The following KAZN variants were observed in gnomAD, a reference collection of about 807,000 sequenced individuals.
KAZN encodes the protein kazrin.
KAZN carries 40 observed loss-of-function variants against 87.4 expected under a neutral mutation model. The observed-to-expected ratio is 0.46, with a 90% CI of 0.36 to 0.60. The LOEUF (loss-of-function observed/expected upper bound fraction) is 0.60. Ranked by LOEUF, KAZN falls within the 20% of genes least tolerant of loss-of-function variation. The pLI is 0.00. For synonymous variants in KAZN, 466 were observed against 458.3 expected (o/e 1.02, Z -0.22); for missense variants, 898 against 1,073.9 (o/e 0.84, Z 2.29).
intron 1 of KAZN, among the ~76,000 whole-genome samples, chr1:14,080,428 T>C (rs1388836183): frequency 6.6e-6 from 1 of 152,218 alleles, no homozygotes; most frequent in Non-Finnish European, 1.5e-5. Flanking sequence ...TGTAAGAATC[T>C]GGAGTCATCT....
intron 1 of KAZN, among the ~76,000 whole-genome samples, chr1:14,829,854 G>C (rs534899079): frequency 4.3e-4 from 65 of 152,322 alleles, no homozygotes; most frequent in African/African-American, 1.4e-3. Context: ...TTTAGACTTC[G>C]TCCAAAGGTC....
intron 3 of KAZN, among the ~76,000 whole-genome samples, chr1:15,039,584 T>G (rs951707531): frequency 6.6e-6 from 1 of 152,196 alleles, no homozygotes; most frequent in African/African-American, 2.4e-5. Context: ...TATATCAAAT[T>G]TGTTTTTTAA....
chr1:14,959,070 T>A (rs1229694283), intron 1 of KAZN, among the ~76,000 whole-genome samples: 2 of 152,002 alleles, frequency 1.3e-5, no homozygotes, highest in Non-Finnish European at 2.9e-5. Flanking sequence ...CGCTGATGAG[T>A]GCTGCGGAGA....
intron 2 of KAZN, among the ~76,000 whole-genome samples, chr1:15,008,695 G>A (rs1035587023): frequency 2.0e-5 from 3 of 152,116 alleles, no homozygotes; most frequent in Admixed American, 1.3e-4. Context: ...AGCTTGTCCC[G>A]TCTGCCTTCC....
In KAZN at chr1:14,638,343, C is replaced by A. The variant is rs189767612; in HGVS notation, c.226+39120C>A. 6.4e-4 allele frequency among the ~76,000 whole-genome samples: 98 copies of A among 152,062 alleles called. No individual in the cohort carries two copies. In the East Asian group the frequency reaches 0.018, roughly 28 times the overall value. On this transcript the variant is annotated intron_variant, in intron 1 of 14. Transcript: ENST00000376030. ...CAGCACTTTGGGAGGCCGAGGCGGG[C>A]GGATCACCTGAGGTCAGAAGCTTGA...
intron 1 of KAZN, among the ~76,000 whole-genome samples, chr1:14,155,049 A>G (rs1273445634): frequency 2.4e-4 from 35 of 148,486 alleles, no homozygotes; most frequent in Non-Finnish European, 4.4e-5. Flanking sequence ...ACTGGCCTCA[A>G]ATAATGAGTT....
At chr1:14,711,783 C>T (rs1037899537) in intron 1 of KAZN, among the ~76,000 whole-genome samples, 5 of 152,154 alleles carry the variant, frequency 3.3e-5, no homozygotes, top group African/African-American at 7.2e-5. Flanking sequence ...CGTGCTGTGA[C>T]GGCAGCCACA....
At chr1:14,882,461 T>A (rs1158158386) in intron 1 of KAZN, among the ~76,000 whole-genome samples, 3 of 152,174 alleles carry the variant, frequency 2.0e-5, no homozygotes, top group African/African-American at 7.2e-5. Context: ...GGGGGACTGG[T>A]CCATTTGGGG....
intron 2 of KAZN, among the ~76,000 whole-genome samples, chr1:14,557,126 G>A (rs774887360): frequency 3.9e-5 from 6 of 152,060 alleles, no homozygotes; most frequent in Non-Finnish European, 7.4e-5. Flanking sequence ...CAGAAATAAC[G>A]TGGGCAAATA....
At chr1:14,321,150 A>C (rs541706266) in intron 2 of KAZN, among the ~76,000 whole-genome samples, 1 of 152,310 alleles carries the variant, frequency 6.6e-6, no homozygotes, top group South Asian at 2.1e-4. Flanking sequence ...AATGCTCATC[A>C]AGGCTCTTTG....
At chr1:15,086,262 T>A (rs975399334) in intron 8 of KAZN, among the ~76,000 whole-genome samples, 12 of 152,168 alleles carry the variant, frequency 7.9e-5, no homozygotes, top group Non-Finnish European at 1.3e-4. Flanking sequence ...TGAGCCACCA[T>A]GCCTGGCTGA....
chr1:14,213,490 G>T (rs1161957716), intron 2 of KAZN, among the ~76,000 whole-genome samples: 1 of 152,182 alleles, frequency 6.6e-6, no homozygotes, highest in African/African-American at 2.4e-5. Flanking sequence ...CAAGACAGAG[G>T]AGGGCAAGTG....
At chr1:14,911,720 T>C (rs1452901075) in intron 1 of KAZN, among the ~76,000 whole-genome samples, 1 of 152,034 alleles carries the variant, frequency 6.6e-6, no homozygotes, top group African/African-American at 2.4e-5. Context: ...ACCTGACTGG[T>C]CTGGAATCCC....
intron 7 of KAZN, among the ~76,000 whole-genome samples, 158 bp from the exon 8 acceptor site, chr1:15,065,470 GGT>G (rs2100563142): frequency 6.6e-6 from 1 of 152,300 alleles, no homozygotes; most frequent in South Asian, 2.1e-4. Context: ...CAGCCCTGGA[GGT>G]GGCTTCTCAG....
intron 2 of KAZN, among the ~76,000 whole-genome samples, chr1:14,987,298 G>T (rs570965639): frequency 3.3e-5 from 5 of 152,116 alleles, no homozygotes; most frequent in Admixed American, 6.5e-5. Context: ...TTCGAGACCA[G>T]CCTGGCCAAC....
At chr1:14,030,070 T>C (rs1374015012) in intron 1 of KAZN, among the ~76,000 whole-genome samples, 2 of 151,944 alleles carry the variant, frequency 1.3e-5, no homozygotes, top group African/African-American at 4.8e-5. Context: ...TTGGGCAGTA[T>C]GGCCATTTTC....
chr1:14,100,227 C>T (rs1644219365), intron 1 of KAZN, among the ~76,000 whole-genome samples: 1 of 152,142 alleles, frequency 6.6e-6, no homozygotes, highest in Non-Finnish European at 1.5e-5. Flanking sequence ...TTTAAATCCC[C>T]CACTTGAGGT....
intron 2 of KAZN, among the ~76,000 whole-genome samples, chr1:14,361,075 G>A (rs530279742): frequency 6.6e-6 from 1 of 152,344 alleles, no homozygotes; most frequent in South Asian, 2.1e-4. Flanking sequence ...ACGGAGATGG[G>A]AGTTTTATCT....
intron 1 of KAZN, among the ~76,000 whole-genome samples, chr1:14,040,381 GGGA>G (rs1281244864): frequency 2.6e-5 from 4 of 152,132 alleles, no homozygotes; most frequent in African/African-American, 9.7e-5. Flanking sequence ...GGAGTGCTGT[GGGA>G]GGTCAGCGGG....
Sources: gnomAD v4.1 joint callset for allele counts (sites outside exome capture counted in the v4.1 genomes callset) on GRCh38, gnomAD v4.1.1 for gene constraint, MANE v1.5 for transcripts, NCBI Gene and HGNC (gene_info 2026-07-23, HGNC 2026-07-21) for gene names.